The following CNBD1 variants were observed in gnomAD, a reference collection of about 807,000 sequenced individuals.
CNBD1 encodes the protein cyclic nucleotide-binding domain-containing protein 1.
In CNBD1, 71 loss-of-function variants were observed where a neutral mutation model predicts 54.4. That is an observed-to-expected ratio of 1.30 (90% CI 1.08 to 1.59). The LOEUF is 1.59. Among genes scored for constraint, CNBD1 ranks in the 40% most tolerant of loss-of-function variants. The pLI is 0.00. For missense variants in CNBD1, 659 were observed against 518.0 expected (o/e 1.27, Z -2.64); for synonymous variants, 182 against 170.7 (o/e 1.07, Z -0.51).
chr8:87,387,424 A>T (rs1384382487), downstream of CNBD1, among the ~76,000 whole-genome samples: 4 of 152,116 alleles, frequency 2.6e-5, no homozygotes, highest in Non-Finnish European at 5.9e-5. Flanking sequence ...TACCAAGCAA[A>T]TGGAAAACAA....
intron 4 of CNBD1, among the ~76,000 whole-genome samples, chr8:87,061,468 A>G (rs1311678208): frequency 1.3e-5 from 2 of 152,220 alleles, no homozygotes; most frequent in African/African-American, 4.8e-5. Flanking sequence ...TAAAGATTCA[A>G]TCCTCTGTCC....
At chr8:87,401,147 A>T (rs1032937423) in intron 2 of CNBD1, among the ~76,000 whole-genome samples, 1 of 152,050 alleles carries the variant, frequency 6.6e-6, no homozygotes, top group Non-Finnish European at 1.5e-5. Flanking sequence ...TAATCTTTGG[A>T]TATGTTTTCT....
At chr8:86,895,036 C>G (rs1291235395) in intron 2 of CNBD1, among the ~76,000 whole-genome samples, 1 of 152,084 alleles carries the variant, frequency 6.6e-6, no homozygotes, top group Non-Finnish European at 1.5e-5. Flanking sequence ...TGCTTTATAT[C>G]AATCTCATGA....
At chr8:87,304,198 G>A (rs2130885074) in intron 8 of CNBD1, among the ~76,000 whole-genome samples, 1 of 151,984 alleles carries the variant, frequency 6.6e-6, no homozygotes, top group Non-Finnish European at 1.5e-5. Flanking sequence ...TATGTTTATT[G>A]CGGCACTATT....
intron 4 of CNBD1, among the ~76,000 whole-genome samples, chr8:87,196,596 G>C (rs554549038): frequency 1.3e-5 from 2 of 152,312 alleles, no homozygotes; most frequent in South Asian, 4.1e-4. Context: ...AAGGTCATGA[G>C]TACCTACAAC....
chr8:87,129,521 T>C (rs924876248), intron 4 of CNBD1, among the ~76,000 whole-genome samples: 3 of 152,204 alleles, frequency 2.0e-5, no homozygotes, highest in Admixed American at 6.5e-5. Flanking sequence ...GTTGGTCTTT[T>C]CTAAGACTCA....
chr8:86,962,761 G>A (rs1396523626), intron 4 of CNBD1, among the ~76,000 whole-genome samples: 1 of 151,934 alleles, frequency 6.6e-6, no homozygotes, highest in African/African-American at 2.4e-5. Context: ...ACTCCAGCCT[G>A]GGCAACAGAG....
Position 87,137,990 on chromosome 8 carries a change from A to G in CNBD1, c.432-68003A>G, listed in dbSNP as rs141551490. ...AAAAAGGAGAAGCATAATCTTTATT[A>G]TATTTCAAATTTAACCTCATTACAT... is the stretch of plus-strand genomic sequence containing the variant. On this transcript the variant is annotated intron_variant, in intron 4 of 10. Coordinates refer to ENST00000518476, the MANE Select transcript of CNBD1 (RefSeq NM_173538.3). 5.2e-3 allele frequency among the ~76,000 whole-genome samples: 799 copies of G among 152,254 alleles called. 1 individual carries two copies. Among genetic ancestry groups the G allele is most frequent in the African/African-American group, 0.017 (721 of 41,560 alleles).
Position 87,343,293 on chromosome 8 carries a change from C to T in CNBD1, c.1043-8392C>T, listed in dbSNP as rs115993549. On this transcript the variant is annotated intron_variant, in intron 8 of 10. Coordinates refer to ENST00000518476, the MANE Select transcript of CNBD1 (RefSeq NM_173538.3). ...GGTCAGATTTCATGTTGTTCAAACA[C>T]ACGTTTTACAAACAATTGGTACAGT... Among the ~76,000 whole-genome samples the T allele has an allele frequency of 9.6e-3, 1,468 of 152,256 alleles. 20 individuals are homozygous for T. Among genetic ancestry groups the T allele is most frequent in the African/African-American group, 0.032 (1,346 of 41,530 alleles).
chr8:87,331,265 A>G (rs899254882), intron 8 of CNBD1, among the ~76,000 whole-genome samples: 2 of 152,064 alleles, frequency 1.3e-5, no homozygotes, highest in African/African-American at 4.8e-5. Flanking sequence ...ATGTGTGTCC[A>G]TGTGTTCTAA....
At chr8:87,385,211 AT>A (rs1811157891), downstream of CNBD1, among the ~76,000 whole-genome samples, 1 of 152,090 alleles carries the variant, frequency 6.6e-6, no homozygotes, top group Admixed American at 6.6e-5. Context: ...AAGATGGGTG[AT>A]TTCTGCATTT....
intron 4 of CNBD1, among the ~76,000 whole-genome samples, chr8:87,113,717 A>G (rs1185485030): frequency 6.6e-6 from 1 of 152,148 alleles, no homozygotes; most frequent in Non-Finnish European, 1.5e-5. Context: ...CAGGAGATCT[A>G]GACCATCCTG....
intron 4 of CNBD1, among the ~76,000 whole-genome samples, chr8:86,960,282 C>T (rs1301444789): frequency 6.6e-6 from 1 of 152,174 alleles, no homozygotes; most frequent in African/African-American, 2.4e-5. Flanking sequence ...GACACTCCCA[C>T]TCTAATACTG....
chr8:87,214,093 AC>A (rs1814157436), intron 5 of CNBD1, among the ~76,000 whole-genome samples: 1 of 152,060 alleles, frequency 6.6e-6, no homozygotes, highest in Non-Finnish European at 1.5e-5. Flanking sequence ...GGGCAGCTCC[AC>A]CCCTGTGGCT....
chr8:86,967,211 A>G (rs1808101385), intron 4 of CNBD1, among the ~76,000 whole-genome samples: 1 of 152,168 alleles, frequency 6.6e-6, no homozygotes, highest in African/African-American at 2.4e-5. Flanking sequence ...CCAAGGGTAT[A>G]AGCTGCAGAG....
intron 4 of CNBD1, among the ~76,000 whole-genome samples, chr8:86,959,829 T>C (rs1391503095): frequency 6.6e-6 from 1 of 152,178 alleles, no homozygotes; most frequent in African/African-American, 2.4e-5. Context: ...TTGTTATTAC[T>C]GATCATCTGA....
At chr8:87,262,034 G>C (rs1191793765) in intron 6 of CNBD1, among the ~76,000 whole-genome samples, 1 of 151,628 alleles carries the variant, frequency 6.6e-6, no homozygotes, top group Non-Finnish European at 1.5e-5. Flanking sequence ...CATGCCTGTA[G>C]TCCCAGCTAC....
rs529800326 is a variant in CNBD1, at chr8:87,335,237, G to A, written c.1043-16448G>A. Among the ~76,000 whole-genome samples, 5 of 152,266 alleles carry A rather than the reference G, an allele frequency of 3.3e-5. No homozygotes were observed. In the South Asian group the frequency reaches 1.0e-3, roughly 32 times the overall value. On this transcript the variant is annotated intron_variant, in intron 8 of 10. Coordinates refer to ENST00000518476, the MANE Select transcript of CNBD1 (RefSeq NM_173538.3). ...TATTAGGTCCACTTGATACAGAGCT[G>A]AGTTTGAATCCTGAATATCCTCGTT...
chr8:87,340,607 GT>G (rs200849430), intron 8 of CNBD1, among the ~76,000 whole-genome samples: 1 of 148,076 alleles, frequency 6.8e-6, no homozygotes, highest in African/African-American at 2.5e-5. Flanking sequence ...TTCTGTTGTT[GT>G]TTTTTTTCCT....
Sources: allele counts gnomAD v4.1 joint callset (sites outside exome capture counted in the v4.1 genomes callset), GRCh38; gene constraint gnomAD v4.1.1; transcripts MANE v1.5; gene names NCBI Gene and HGNC (gene_info 2026-07-23, HGNC 2026-07-21).